Variants in MAX observed in about 807,000 individuals in gnomAD.
MAX encodes MYC associated transcriptional regulator X.
MAX carries 3 observed loss-of-function variants against 22.3 expected under a neutral mutation model. That is an observed-to-expected ratio of 0.13 (90% CI 0.06 to 0.35). The LOEUF (loss-of-function observed/expected upper bound fraction) is 0.35, where lower values mean the gene tolerates loss of function less well. Among genes scored for constraint, MAX ranks in the 10% least tolerant of loss-of-function variants. The pLI is 1.00. For missense variants in MAX, 119 were observed against 209.4 expected, an observed-to-expected ratio of 0.57 and a Z score of 2.66; for synonymous variants, 72 against 77.7, an observed-to-expected ratio of 0.93 and a Z score of 0.39.
chr14:65,039,910 C>T (rs2062307184), intron 3 of MAX, among the ~76,000 whole-genome samples: 1 of 152,100 alleles, frequency 6.6e-6, no homozygotes, highest in Admixed American at 6.5e-5. Context: ...CACCAGAGGC[C>T]AAGTGCGGTG....
chr14:65,070,599 C>T (rs148443834), downstream of MAX, among the ~76,000 whole-genome samples: 18 of 152,344 alleles, frequency 1.2e-4, no homozygotes, highest in African/African-American at 4.3e-4. The surrounding 1 kb of genome is among the most constrained non-coding windows in gnomAD (Gnocchi z 4.4). Context: ...TTCTTCTAGA[C>T]ACGCCCATCC....
chr14:65,099,753 AT>A (rs369278849), intron 2 of MAX, among the ~76,000 whole-genome samples: 121 of 152,340 alleles, frequency 7.9e-4, no homozygotes, highest in African/African-American at 2.7e-3. Flanking sequence ...ATAAAAGTAA[AT>A]GTGAAAAAGG....
chr14:65,013,242 A>G (rs2061711569), intron 3 of MAX, among the ~76,000 whole-genome samples: 1 of 152,134 alleles, frequency 6.6e-6, no homozygotes, highest in Non-Finnish European at 1.5e-5. Context: ...GGCTAACTGG[A>G]GACCCTGTGC....
Position 65,032,206 on chromosome 14 carries a change from G to A in MAX, c.172-25922C>T, listed in dbSNP as rs1046016601. Reference sequence around the variant, plus strand: ...TGTCAAGGCTGTAAACAGAAATCCTGGCTCTGAAACAGTACTAACATCCAA... The same window carrying A: ...TGTCAAGGCTGTAAACAGAAATCCTAGCTCTGAAACAGTACTAACATCCAA... On this transcript the variant is annotated intron_variant, in intron 3 of 3. Coordinates refer to the MAX transcript ENST00000341653. The surrounding 1 kb of genome is among the most constrained non-coding windows in gnomAD (Gnocchi z 5.0). Among the ~76,000 whole-genome samples, 1 of 152,154 alleles carries A rather than the reference G, an allele frequency of 6.6e-6. No homozygotes were observed. Among genetic ancestry groups the A allele is most frequent in the Non-Finnish European group, 1.5e-5 (1 of 68,040 alleles).
chr14:65,077,042 A>C lies in MAX; in HGVS notation c.296-379T>G. The C allele has an allele frequency of 1.8e-6, 1 of 549,508 alleles. No individual in the cohort carries two copies. The highest frequency in any genetic ancestry group is 3.2e-6 in the Non-Finnish European group (1 of 308,186). 34.0% of individuals were successfully genotyped at this position (549,508 alleles called of 1,614,324 possible). Reference sequence around the variant, plus strand: ...GAGGCTCCACAAGGTGTGAGGCCACACAACAGCAGGAAAGGATGACATAAG... The same window carrying C: ...GAGGCTCCACAAGGTGTGAGGCCACCCAACAGCAGGAAAGGATGACATAAG... On this transcript the variant is annotated intron_variant, in intron 4 of 4. Transcript: ENST00000358664. This position sits in a 1 kb window ranked among gnomAD's most constrained non-coding sequence, Gnocchi z 6.3.
chr14:65,025,603 C>A (rs2061965520), intron 3 of MAX, among the ~76,000 whole-genome samples: 1 of 152,078 alleles, frequency 6.6e-6, no homozygotes, highest in Non-Finnish European at 1.5e-5. Context: ...TTGCTTGAGC[C>A]CAGGAGTTCA....
At position 65,009,825 on chromosome 14, in the gene MAX, A is replaced by C. The variant is rs2061656419; in HGVS notation, c.172-3541T>G. Among the ~76,000 whole-genome samples the C allele has an allele frequency of 1.3e-5, 2 of 151,762 alleles. No homozygotes were observed. Among genetic ancestry groups the C allele is most frequent in the African/African-American group, 4.8e-5 (2 of 41,290 alleles). On this transcript the variant is annotated intron_variant, in intron 3 of 3. Transcript: ENST00000341653. The surrounding 1 kb of genome is among the most constrained non-coding windows in gnomAD (Gnocchi z 4.2). ...TCTTCCCTTTGGGAAGAGTTTTCTG[A>C]CCCTCCATCTCTTCCCGTGGCTGAT...
chr14:65,033,987 T>G (rs2062140228), intron 3 of MAX, among the ~76,000 whole-genome samples: 1 of 152,268 alleles, frequency 6.6e-6, no homozygotes, highest in South Asian at 2.1e-4. Flanking sequence ...AAATATAATT[T>G]ACAGTGATAC....
intron 3 of MAX, among the ~76,000 whole-genome samples, chr14:65,080,049 C>T (rs780768529): frequency 6.6e-6 from 1 of 152,154 alleles, no homozygotes; most frequent in Non-Finnish European, 1.5e-5. Context: ...GGAAATATCA[C>T]AGGGCAGTGC....
chr14:65,022,909 C>G (rs2061915228), intron 3 of MAX, among the ~76,000 whole-genome samples: 1 of 152,202 alleles, frequency 6.6e-6, no homozygotes, highest in South Asian at 2.1e-4. Context: ...CCTGCCATCT[C>G]TAAGCGTAAT....
upstream of MAX, chr14:65,102,608 C>T: frequency 7.3e-7 from 1 of 1,366,274 alleles, no homozygotes; most frequent in Non-Finnish European, 9.4e-7. Flanking sequence ...ACTTGTAGTT[C>T]TTGTCCCTCT....
chr14:65,040,721 A>AG, intron 3 of MAX: 1 of 1,519,858 alleles, frequency 6.6e-7, no homozygotes, highest in South Asian at 1.3e-5. Flanking sequence ...TCTGCCACCT[A>AG]GGATGGTCCT....
In MAX at chr14:65,006,328, C is replaced by T. The variant is rs376185428; in HGVS notation, c.172-44G>A. On this transcript the variant is annotated intron_variant, in intron 3 of 3. Transcript: ENST00000341653. Reference sequence around the variant, plus strand: ...AAAAATATCAGCTTACTAGTATAGTCTTTCCCTTAACTGCTAAACCAAATC... The same window carrying T: ...AAAAATATCAGCTTACTAGTATAGTTTTTCCCTTAACTGCTAAACCAAATC... 43 of 1,606,734 alleles carry T rather than the reference C, an allele frequency of 2.7e-5. 1 individual carries two copies. In the South Asian group the frequency reaches 4.7e-4, roughly 18 times the overall value.
intron 3 of MAX, among the ~76,000 whole-genome samples, chr14:65,066,996 CCA>C (rs2062937481): frequency 6.7e-6 from 1 of 150,206 alleles, no homozygotes; most frequent in Admixed American, 6.6e-5. Context: ...AGCGACATAG[CCA>C]CACTCTGTCT....
chr14:65,017,026 G>T (rs1482923946), intron 3 of MAX, among the ~76,000 whole-genome samples: 1 of 148,612 alleles, frequency 6.7e-6, no homozygotes, highest in Non-Finnish European at 1.5e-5. Context: ...GGGTTCAAGC[G>T]ATTCTCCTGC....
intron 3 of MAX, among the ~76,000 whole-genome samples, chr14:65,037,460 TTG>T (rs1359782122): frequency 2.1e-4 from 29 of 136,882 alleles, no homozygotes; most frequent in Admixed American, 5.4e-4. Context: ...ACGTCTCTTT[TTG>T]TTTTATGTGT....
At chr14:65,059,869 T>C (rs2062822701) in intron 3 of MAX, among the ~76,000 whole-genome samples, 1 of 147,974 alleles carries the variant, frequency 6.8e-6, no homozygotes, top group African/African-American at 2.6e-5. Context: ...AGAGTCTCGC[T>C]GTTGCCCAGG....
At chr14:65,066,506 T>C (rs2062931694) in intron 3 of MAX, among the ~76,000 whole-genome samples, 1 of 152,194 alleles carries the variant, frequency 6.6e-6, no homozygotes, top group Non-Finnish European at 1.5e-5. Flanking sequence ...TAATGGAAAC[T>C]TTCCCTTGCC....
intron 3 of MAX, among the ~76,000 whole-genome samples, chr14:65,008,640 G>A (rs2139497402): frequency 6.6e-6 from 1 of 152,336 alleles, no homozygotes; most frequent in African/African-American, 2.4e-5. Context: ...CTTAAAGGAT[G>A]GGGAGAGTGT....
Sources: allele counts gnomAD v4.1 joint callset (sites outside exome capture counted in the v4.1 genomes callset), GRCh38; gene constraint gnomAD v4.1.1; non-coding constraint Gnocchi (gnomAD v3.1); transcripts MANE v1.5; gene names NCBI Gene and HGNC (gene_info 2026-07-23, HGNC 2026-07-21).